Variants in SLC7A9 observed in about 807,000 individuals in gnomAD.
SLC7A9 encodes B(0,+)-type amino acid transporter 1.
A neutral mutation model predicts 54.1 loss-of-function variants in SLC7A9; 38 were observed. The observed-to-expected ratio is 0.70, with a 90% CI of 0.54 to 0.92. The LOEUF (loss-of-function observed/expected upper bound fraction) is 0.92. Among genes scored for constraint, SLC7A9 ranks in the 40% least tolerant of loss-of-function variants. The probability of loss-of-function intolerance (pLI) is 0.00; values close to 1 mark genes in which losing one functional copy is unlikely to be tolerated. For missense variants in SLC7A9, 537 were observed against 636.1 expected, an observed-to-expected ratio of 0.84 and a Z score of 1.68; for synonymous variants, 264 against 258.9, an observed-to-expected ratio of 1.02 and a Z score of -0.19.
At chr19:32,832,751 A>G (rs1027093417) in intron 12 of SLC7A9, 1 of 234,110 alleles carries the variant, frequency 4.3e-6, no homozygotes, top group Admixed American at 5.1e-5. Context: ...TTCTCTACAA[A>G]AAGTAAAAAA....
At chr19:32,866,051 A>G (rs989237403) in intron 2 of SLC7A9, among the ~76,000 whole-genome samples, 1 of 152,088 alleles carries the variant, frequency 6.6e-6, no homozygotes, top group Non-Finnish European at 1.5e-5. Flanking sequence ...CCTACTCATA[A>G]CACTCGTCCT....
chr19:32,856,892 C>T (rs1202363178), intron 9 of SLC7A9, among the ~76,000 whole-genome samples: 1 of 152,128 alleles, frequency 6.6e-6, no homozygotes, highest in Non-Finnish European at 1.5e-5. Flanking sequence ...GTGGCTCACA[C>T]CTGTAATCCC....
intron 11 of SLC7A9, among the ~76,000 whole-genome samples, chr19:32,835,909 G>GTGTGTGTGTGTGTGTGTGTT (rs1227354516): frequency 9.6e-5 from 10 of 104,074 alleles, no homozygotes; most frequent in Non-Finnish European, 2.0e-4. Flanking sequence ...GTGTGTGTGT[G>GTGTGTGTGTGTGTGTGTGTT]TATGTGTGTG....
chr19:32,852,105 T>A (rs1463107121), intron 9 of SLC7A9, among the ~76,000 whole-genome samples: 1 of 151,984 alleles, frequency 6.6e-6, no homozygotes, highest in African/African-American at 2.4e-5. Context: ...CACACCAACA[T>A]GGCACATGTA....
At chr19:32,859,007 T>A (rs1968714739) in intron 8 of SLC7A9, among the ~76,000 whole-genome samples, 1 of 152,096 alleles carries the variant, frequency 6.6e-6, no homozygotes, top group Admixed American at 6.6e-5. Flanking sequence ...CAGGCTGGTC[T>A]CAATCTCCTG....
Position 32,866,133 on chromosome 19 carries a change from C to T in SLC7A9, c.88-1357G>A, listed in dbSNP as rs77000198. Among the ~76,000 whole-genome samples, 962 of 152,282 alleles carry T rather than the reference C, an allele frequency of 6.3e-3. 18 individuals are homozygous for T. The highest frequency in any genetic ancestry group is 0.021 in the African/African-American group (888 of 41,560). On this transcript the variant is annotated intron_variant, in intron 2 of 12. Transcript: ENST00000023064. ...CCATGTTCACCTGTCTGGGAAGAAGCTGGGCTTGGAGTCAGATCGCAGGGG... is the reference window on the plus strand; with the variant it reads ...CCATGTTCACCTGTCTGGGAAGAAGTTGGGCTTGGAGTCAGATCGCAGGGG...
intron 2 of SLC7A9, among the ~76,000 whole-genome samples, chr19:32,867,964 C>T (rs1374708842): frequency 1.4e-5 from 2 of 147,982 alleles, no homozygotes; most frequent in African/African-American, 2.5e-5. Flanking sequence ...GAATATGCAG[C>T]CGAGTGCAGT....
In SLC7A9 at chr19:32,858,768, C is replaced by A. The variant is rs112485232; in HGVS notation, c.874-225G>T. ...TTATCTACTACTCCCTGGCATAAAT[C>A]TTTATTTATTTATTTATTTATTTAT... On this transcript the variant is annotated intron_variant, in intron 8 of 12. Coordinates refer to ENST00000023064, the MANE Select transcript of SLC7A9 (RefSeq NM_014270.5). 5.6e-3 allele frequency among the ~76,000 whole-genome samples: 828 copies of A among 148,628 alleles called. 8 individuals are homozygous for A. The highest frequency in any genetic ancestry group is 0.019 in the African/African-American group (765 of 40,406).
At chr19:32,841,804 AG>A (rs1294709623) in intron 11 of SLC7A9, among the ~76,000 whole-genome samples, 4 of 152,088 alleles carry the variant, frequency 2.6e-5, no homozygotes, top group African/African-American at 9.7e-5. Context: ...CAACTTGGGA[AG>A]CTGAAGCAGG....
At chr19:32,850,134 C>A (rs1968426789) in intron 9 of SLC7A9, among the ~76,000 whole-genome samples, 1 of 149,482 alleles carries the variant, frequency 6.7e-6, no homozygotes, top group African/African-American at 2.5e-5. Flanking sequence ...GACAGGGGTG[C>A]CCTCTCTCAC....
intron 2 of SLC7A9, 55 bp from the exon 3 acceptor site, chr19:32,864,831 A>C: frequency 1.2e-6 from 2 of 1,611,636 alleles, no homozygotes; most frequent in Non-Finnish European, 1.7e-6. Flanking sequence ...CCAGCCCAGA[A>C]GGCCAGGTGC....
chr19:32,837,756 A>G (rs540887690), intron 11 of SLC7A9, among the ~76,000 whole-genome samples: 1 of 152,198 alleles, frequency 6.6e-6, no homozygotes, highest in South Asian at 2.1e-4. Flanking sequence ...CCTACACGTG[A>G]TTTTGATGTG....
chr19:32,854,126 C>A (rs955505518), intron 9 of SLC7A9, among the ~76,000 whole-genome samples: 2 of 152,044 alleles, frequency 1.3e-5, no homozygotes, highest in Non-Finnish European at 2.9e-5. Context: ...GATCCTCCCA[C>A]CTCAGTCTCC....
intron 11 of SLC7A9, among the ~76,000 whole-genome samples, chr19:32,841,486 G>A (rs998822186): frequency 3.3e-5 from 5 of 152,240 alleles, no homozygotes; most frequent in South Asian, 2.1e-4. Context: ...AGGACTTTGG[G>A]AAGCCAAGGT....
intron 9 of SLC7A9, among the ~76,000 whole-genome samples, chr19:32,848,256 G>A (rs1320341784): frequency 6.6e-6 from 1 of 152,214 alleles, no homozygotes; most frequent in African/African-American, 2.4e-5. Flanking sequence ...TGGATAAAGA[G>A]TCAAGACCCA....
intron 9 of SLC7A9, among the ~76,000 whole-genome samples, chr19:32,851,297 G>C (rs1412101418): frequency 6.6e-6 from 1 of 151,612 alleles, no homozygotes; most frequent in Non-Finnish European, 1.5e-5. Context: ...CTAATATCCA[G>C]AATCTACAAT....
Position 32,862,220 on chromosome 19 carries a change from G to T in SLC7A9, c.605-3C>A, listed in dbSNP as rs749913021. 17 of 1,611,434 alleles carry T rather than the reference G, an allele frequency of 1.1e-5. No individual in the cohort carries two copies. Among genetic ancestry groups the T allele is most frequent in the Non-Finnish European group, 1.3e-5 (15 of 1,177,672 alleles). On this transcript the variant is annotated splice_polypyrimidine_tract_variant and splice_region_variant and intron_variant, in intron 5 of 12. Transcript: ENST00000023064. ...ATTATCAAAATTCTTTGTGTTTCCT[G>T]TAATGAAGCCAGACAGTGAACGGCG...
intron 9 of SLC7A9, among the ~76,000 whole-genome samples, chr19:32,851,782 C>A (rs1344587201): frequency 6.6e-6 from 1 of 152,130 alleles, no homozygotes; most frequent in African/African-American, 2.4e-5. Context: ...AAATGTCCAA[C>A]AACAATAGAC....
At chr19:32,861,006 C>G (rs545133517) in intron 6 of SLC7A9, among the ~76,000 whole-genome samples, 24 of 152,196 alleles carry the variant, frequency 1.6e-4, no homozygotes, top group African/African-American at 5.8e-4. Context: ...GAAGGACCAT[C>G]GTTGCAGATG....
Sources: allele counts gnomAD v4.1 joint callset (sites outside exome capture counted in the v4.1 genomes callset), GRCh38; gene constraint gnomAD v4.1.1; transcripts MANE v1.5; gene names NCBI Gene and HGNC (gene_info 2026-07-23, HGNC 2026-07-21).